The following CABCOCO1 variants were observed in gnomAD, a reference collection of about 807,000 sequenced individuals.
CABCOCO1 encodes ciliary associated calcium binding coiled-coil 1, also known as ciliary-associated calcium-binding coiled-coil protein 1.
CABCOCO1 carries 28 observed loss-of-function variants against 35.7 expected under a neutral mutation model. That is an observed-to-expected ratio of 0.78 (90% confidence interval 0.58 to 1.07). CABCOCO1 has a LOEUF of 1.07. Among genes scored for constraint, CABCOCO1 ranks in the 50% least tolerant of loss-of-function variants. The pLI is 0.00. For missense variants in CABCOCO1, 326 were observed against 309.2 expected, an observed-to-expected ratio of 1.05 and a Z score of -0.41; for synonymous variants, 95 against 100.1, an observed-to-expected ratio of 0.95 and a Z score of 0.30.
At chr10:61,686,263 G>A (rs530456025) in intron 4 of CABCOCO1, 78 bp downstream of exon 4, 2 of 1,245,830 alleles carry the variant, frequency 1.6e-6, no homozygotes, top group African/African-American at 3.1e-5. Context: ...AAGTAATTCA[G>A]TTTTTAGCAG....
intron 5 of CABCOCO1, among the ~76,000 whole-genome samples, chr10:61,737,999 T>C (rs1307629974): frequency 6.6e-6 from 1 of 150,952 alleles, no homozygotes; most frequent in Non-Finnish European, 1.5e-5. Flanking sequence ...GTGGGAAATA[T>C]CTTCACTTAC....
At chr10:61,738,978 T>G (rs527238805) in intron 5 of CABCOCO1, among the ~76,000 whole-genome samples, 17 of 150,100 alleles carry the variant, frequency 1.1e-4, no homozygotes, top group South Asian at 8.5e-4. Context: ...TACAAGTGAG[T>G]TTTTTTTTTC....
At chr10:61,674,037 T>C in intron 2 of CABCOCO1, among the ~76,000 whole-genome samples, 1 of 152,142 alleles carries the variant, frequency 6.6e-6, no homozygotes. Flanking sequence ...ATAGCAGACA[T>C]TTTATACAGT....
intron 5 of CABCOCO1, among the ~76,000 whole-genome samples, chr10:61,727,240 C>T (rs1035005999): frequency 6.6e-6 from 1 of 151,058 alleles, no homozygotes; most frequent in Non-Finnish European, 1.5e-5. Context: ...TATACTTCTA[C>T]AACCAACAAA....
intron 5 of CABCOCO1, chr10:61,701,921 C>T: frequency 1.7e-6 from 1 of 587,718 alleles, no homozygotes; most frequent in Non-Finnish European, 2.1e-6. Flanking sequence ...GATGGCAAAC[C>T]AAAGATCGTT....
chr10:61,754,841 G>A (rs749247970), intron 5 of CABCOCO1, among the ~76,000 whole-genome samples: 3 of 151,380 alleles, frequency 2.0e-5, no homozygotes, highest in Non-Finnish European at 4.4e-5. Flanking sequence ...GCTCTATTAA[G>A]TTATAAATGT....
At position 61,712,716 on chromosome 10, in the gene CABCOCO1, T is replaced by C. The variant is rs543802920; in HGVS notation, c.552+22095T>C. ...ATTAAGGGATTTAGTTTCAGCTTTC[T>C]ACATATGGCTAGCCAGTTTTCCCAG... On this transcript the variant is annotated intron_variant, in intron 5 of 7. Coordinates refer to ENST00000648843, the MANE Select transcript of CABCOCO1 (RefSeq NM_001366906.2). Among the ~76,000 whole-genome samples the C allele has an allele frequency of 2.0e-5, 3 of 152,350 alleles. No homozygotes were observed. The South Asian group carries it at 6.2e-4, about 32-fold the overall frequency.
intron 5 of CABCOCO1, among the ~76,000 whole-genome samples, chr10:61,730,492 A>G (rs957784841): frequency 1.3e-5 from 2 of 152,182 alleles, no homozygotes; most frequent in African/African-American, 4.8e-5. Flanking sequence ...ATAAATCCAC[A>G]AGAAACAATA....
Position 61,708,166 on chromosome 10 carries a change from T to C in CABCOCO1, c.552+17545T>C, listed in dbSNP as rs964718267. Among the ~76,000 whole-genome samples, 13 of 150,978 alleles carry C rather than the reference T, an allele frequency of 8.6e-5. No homozygotes were observed. In the Admixed American group the frequency reaches 8.7e-4, roughly 10 times the overall value. On this transcript the variant is annotated intron_variant, in intron 5 of 7. Coordinates refer to ENST00000648843, the MANE Select transcript of CABCOCO1 (RefSeq NM_001366906.2). ...ACAACTACTTATTTTACATCCCTCA[T>C]GCCCAGCACATAGACAGACGCATAC...
At chr10:61,738,578 C>A (rs1841477267) in intron 5 of CABCOCO1, among the ~76,000 whole-genome samples, 1 of 152,016 alleles carries the variant, frequency 6.6e-6, no homozygotes, top group Admixed American at 6.6e-5. Flanking sequence ...TATTTAAATT[C>A]AAAACATCTT....
intron 1 of CABCOCO1, among the ~76,000 whole-genome samples, chr10:61,668,843 C>A (rs1164452332): frequency 1.3e-5 from 2 of 151,586 alleles, no homozygotes; most frequent in African/African-American, 4.8e-5. Flanking sequence ...AAGATAATTT[C>A]TATTTTAATG....
chr10:61,760,082 TGCATGTG>T lies in CABCOCO1; in HGVS notation c.579_585del (p.Cys194LeufsTer19). 1 of 1,612,914 alleles carries T rather than the reference TGCATGTG, an allele frequency of 6.2e-7. No homozygotes were observed. On this transcript the variant is annotated frameshift_variant, in exon 6 of 8. Transcript: ENST00000648843. LOFTEE classifies it high-confidence loss of function. ...AGCAAGTGATAGAGGTTGTCAAGTC[TGCATGTG>T]GCCCTTTCCCAAATCCTCTGGAAGA...
At chr10:61,676,175 T>C (rs1839507187) in intron 2 of CABCOCO1, among the ~76,000 whole-genome samples, 1 of 152,188 alleles carries the variant, frequency 6.6e-6, no homozygotes, top group South Asian at 2.1e-4. Context: ...TGTTCAGTTA[T>C]AGTGGCAACA....
At chr10:61,702,733 T>G (rs1840491995) in intron 5 of CABCOCO1, among the ~76,000 whole-genome samples, 1 of 152,108 alleles carries the variant, frequency 6.6e-6, no homozygotes, top group Non-Finnish European at 1.5e-5. Flanking sequence ...GACAGATGGC[T>G]GAGAATATAC....
chr10:61,711,821 A>T (rs1840738748), intron 5 of CABCOCO1, among the ~76,000 whole-genome samples: 1 of 152,054 alleles, frequency 6.6e-6, no homozygotes, highest in Non-Finnish European at 1.5e-5. Context: ...AAATATGTAC[A>T]GACTAAATAC....
intron 2 of CABCOCO1, among the ~76,000 whole-genome samples, chr10:61,675,740 AC>A (rs991279483): frequency 2.0e-5 from 3 of 152,106 alleles, no homozygotes; most frequent in African/African-American, 4.8e-5. Context: ...CAAAAAAAAA[AC>A]ATGGTAAAAT....
intron 3 of CABCOCO1, chr10:61,685,241 C>T (rs905718405): frequency 8.5e-5 from 13 of 152,206 alleles, no homozygotes; most frequent in African/African-American, 2.2e-4. Context: ...CCCAGATTTA[C>T]ACATGGAAAC....
intron 1 of CABCOCO1, among the ~76,000 whole-genome samples, chr10:61,664,182 T>A (rs1338761619): frequency 6.6e-6 from 1 of 152,206 alleles, no homozygotes; most frequent in Non-Finnish European, 1.5e-5. Flanking sequence ...TTTAATGTGA[T>A]AAACTGGTAC....
At chr10:61,694,986 A>T (rs1354594285) in intron 5 of CABCOCO1, among the ~76,000 whole-genome samples, 1 of 152,124 alleles carries the variant, frequency 6.6e-6, no homozygotes, top group African/African-American at 2.4e-5. Flanking sequence ...AAATAAAATC[A>T]TGTTACACTC....
Sources: allele counts gnomAD v4.1 joint callset (sites outside exome capture counted in the v4.1 genomes callset), GRCh38; gene constraint gnomAD v4.1.1; transcripts MANE v1.5; gene names NCBI Gene and HGNC (gene_info 2026-07-23, HGNC 2026-07-21).